Variants in DRC11 observed in about 807,000 individuals in gnomAD.
The protein encoded by DRC11 is IQ and AAA domain-containing protein 1.
the DRC11 span, among the ~76,000 whole-genome samples, chr2:236,463,562 C>T: frequency 2.0e-5 from 3 of 152,038 alleles, no homozygotes; most frequent in Non-Finnish European, 4.4e-5. This position sits in a 1 kb window ranked among gnomAD's most constrained non-coding sequence, Gnocchi z 5.0. Context: ...GTCATTGAAG[C>T]AAACATTCGT....
the DRC11 span, among the ~76,000 whole-genome samples, chr2:236,355,227 T>C: frequency 6.6e-6 from 1 of 152,118 alleles, no homozygotes; most frequent in Admixed American, 6.5e-5. Flanking sequence ...CTCTGGGCGC[T>C]AGTGAGGTGT....
At chr2:236,426,979 TA>T in the DRC11 span, among the ~76,000 whole-genome samples, 27 of 152,274 alleles carry the variant, frequency 1.8e-4, 1 homozygote, top group South Asian at 5.6e-3. This position sits in a 1 kb window ranked among gnomAD's most constrained non-coding sequence, Gnocchi z 4.1. Context: ...GTTGAGTTTT[TA>T]TTATGAAAGA....
chr2:236,398,259 C>G, the DRC11 span, among the ~76,000 whole-genome samples: 1 of 152,172 alleles, frequency 6.6e-6, no homozygotes, highest in Non-Finnish European at 1.5e-5. The surrounding 1 kb of genome is among the most constrained non-coding windows in gnomAD (Gnocchi z 6.2). Context: ...CAGGGTTCCC[C>G]TTTAGTTCAG....
the DRC11 span, among the ~76,000 whole-genome samples, chr2:236,429,197 G>A: frequency 6.6e-6 from 1 of 152,198 alleles, no homozygotes; most frequent in Non-Finnish European, 1.5e-5. This position sits in a 1 kb window ranked among gnomAD's most constrained non-coding sequence, Gnocchi z 5.9. Flanking sequence ...CGAATCTGGG[G>A]GAGCGTTCAG....
chr2:236,410,699 C>G, the DRC11 span, among the ~76,000 whole-genome samples: 3 of 147,570 alleles, frequency 2.0e-5, no homozygotes, highest in African/African-American at 8.0e-5. Context: ...AAAACAGAGA[C>G]ATAGATCAAT....
chr2:236,503,510 T>G, the DRC11 span: 1 of 1,024,886 alleles, frequency 9.8e-7, no homozygotes, highest in Non-Finnish European at 1.5e-6. This position sits in a 1 kb window ranked among gnomAD's most constrained non-coding sequence, Gnocchi z 4.9. Context: ...GGTCCTGCCA[T>G]TTCTTTCTTC....
the DRC11 span, among the ~76,000 whole-genome samples, chr2:236,460,488 C>A: frequency 1.8e-4 from 27 of 152,248 alleles, 1 homozygote; most frequent in South Asian, 5.6e-3. The surrounding 1 kb of genome is among the most constrained non-coding windows in gnomAD (Gnocchi z 4.0). Context: ...GCCACGGGTG[C>A]CCAAGGTATT....
the DRC11 span, among the ~76,000 whole-genome samples, chr2:236,439,705 CTTATT>C: frequency 6.6e-6 from 1 of 151,970 alleles, no homozygotes; most frequent in African/African-American, 2.4e-5. Flanking sequence ...TTTCCTTTTT[CTTATT>C]TGTTTGGCAT....
At chr2:236,453,021 G>C in the DRC11 span, among the ~76,000 whole-genome samples, 5 of 152,170 alleles carry the variant, frequency 3.3e-5, no homozygotes, top group African/African-American at 9.7e-5. The surrounding 1 kb of genome is among the most constrained non-coding windows in gnomAD (Gnocchi z 4.9). Context: ...CTTAGGAAGA[G>C]ATAGAAAGAT....
the DRC11 span, among the ~76,000 whole-genome samples, chr2:236,347,599 C>A: frequency 2.7e-5 from 4 of 150,230 alleles, no homozygotes; most frequent in Non-Finnish European, 5.9e-5. Flanking sequence ...AGATTGGAGA[C>A]TATTATTCTA....
the DRC11 span, among the ~76,000 whole-genome samples, chr2:236,377,527 C>T: frequency 6.6e-6 from 1 of 152,160 alleles, no homozygotes; most frequent in East Asian, 1.9e-4. The surrounding 1 kb of genome is among the most constrained non-coding windows in gnomAD (Gnocchi z 4.9). Flanking sequence ...AATAGTAATG[C>T]AATGGACCTA....
the DRC11 span, among the ~76,000 whole-genome samples, chr2:236,352,269 G>A: frequency 5.3e-3 from 810 of 152,224 alleles, 11 homozygotes; most frequent in African/African-American, 0.019. This position sits in a 1 kb window ranked among gnomAD's most constrained non-coding sequence, Gnocchi z 7.0. Context: ...TGGCCTTGGC[G>A]GGGAGTGGAG....
the DRC11 span, among the ~76,000 whole-genome samples, chr2:236,395,567 T>G: frequency 6.6e-6 from 1 of 152,246 alleles, no homozygotes; most frequent in African/African-American, 2.4e-5. Flanking sequence ...AATTGCTCTT[T>G]TCTAGTAAAT....
At chr2:236,403,180 G>T in the DRC11 span, among the ~76,000 whole-genome samples, 1 of 151,992 alleles carries the variant, frequency 6.6e-6, no homozygotes, top group South Asian at 2.1e-4. Context: ...GTGACAAAGG[G>T]TTTCCAGCAG....
chr2:236,448,212 C>T, the DRC11 span, among the ~76,000 whole-genome samples: 1 of 152,122 alleles, frequency 6.6e-6, no homozygotes, highest in Non-Finnish European at 1.5e-5. The surrounding 1 kb of genome is among the most constrained non-coding windows in gnomAD (Gnocchi z 5.3). Flanking sequence ...CCCAAAGATA[C>T]ACACCTCAGT....
At chr2:236,362,142 G>C in the DRC11 span, among the ~76,000 whole-genome samples, 2 of 152,144 alleles carry the variant, frequency 1.3e-5, no homozygotes, top group Non-Finnish European at 2.9e-5. This position sits in a 1 kb window ranked among gnomAD's most constrained non-coding sequence, Gnocchi z 5.7. Flanking sequence ...GAGAAATACA[G>C]AAATGCATAT....
chr2:236,464,149 T>C, the DRC11 span, among the ~76,000 whole-genome samples: 1 of 152,250 alleles, frequency 6.6e-6, no homozygotes, highest in Admixed American at 6.5e-5. Context: ...CGTATCCTTG[T>C]CTTTGGAAGT....
the DRC11 span, among the ~76,000 whole-genome samples, chr2:236,498,249 C>T: frequency 2.0e-5 from 3 of 150,524 alleles, no homozygotes; most frequent in African/African-American, 4.9e-5. Flanking sequence ...AGGTGGATCA[C>T]GAGGTCAGGA....
At chr2:236,326,166 G>A in the DRC11 span, among the ~76,000 whole-genome samples, 1 of 152,264 alleles carries the variant, frequency 6.6e-6, no homozygotes, top group Admixed American at 6.5e-5. Context: ...TTGTTCTGCT[G>A]ATTACTAGGA....
Sources: gnomAD v4.1 joint callset for allele counts (sites outside exome capture counted in the v4.1 genomes callset) on GRCh38, gnomAD v4.1.1 for gene constraint, Gnocchi (gnomAD v3.1) non-coding constraint, MANE v1.5 for transcripts, NCBI Gene and HGNC (gene_info 2026-07-23, HGNC 2026-07-21) for gene names.